MGAT5: variants seen among roughly 807,000 people sequenced by gnomAD.
MGAT5 encodes alpha-1,6-mannosylglycoprotein 6-beta-N-acetylglucosaminyltransferase, also known as alpha-1,6-mannosylglycoprotein 6-beta-N-acetylglucosaminyltransferase A.
In MGAT5, 30 loss-of-function variants were observed where a neutral mutation model predicts 94.3. The ratio of observed to expected loss-of-function variants is 0.32; its 90% CI spans 0.24 to 0.43. The LOEUF (loss-of-function observed/expected upper bound fraction) is 0.43. Ranked by LOEUF, MGAT5 falls within the 20% of genes least tolerant of loss-of-function variation. The probability of loss-of-function intolerance (pLI) is 1.00; values close to 1 mark genes in which losing one functional copy is unlikely to be tolerated. For missense variants in MGAT5, 691 were observed against 905.5 expected, an observed-to-expected ratio of 0.76 and a Z score of 3.04; for synonymous variants, 310 against 322.9, an observed-to-expected ratio of 0.96 and a Z score of 0.43.
intron 1 of MGAT5, among the ~76,000 whole-genome samples, chr2:134,145,214 C>CTCTGTGTGTGTGTGTGTGTGTGTG (rs373377770): frequency 2.1e-4 from 30 of 143,870 alleles, no homozygotes; most frequent in African/African-American, 6.5e-4. Context: ...GTCTCTCTCT[C>CTCTGTGTGTGTGTGTGTGTGTGTG]TGTGTGTGTG....
chr2:134,362,909 C>T (rs1680193787), intron 10 of MGAT5, among the ~76,000 whole-genome samples: 2 of 152,216 alleles, frequency 1.3e-5, no homozygotes, highest in South Asian at 2.1e-4. Context: ...TGACTGTAGG[C>T]ACTTTGTTCA....
At chr2:134,199,873 G>A (rs116695604) in intron 1 of MGAT5, among the ~76,000 whole-genome samples, 1 of 152,056 alleles carries the variant, frequency 6.6e-6, no homozygotes, top group African/African-American at 2.4e-5. Flanking sequence ...GATACTGATT[G>A]GTGCTCTGTA....
chr2:134,146,927 A>G (rs1686947991), intron 1 of MGAT5, among the ~76,000 whole-genome samples: 1 of 152,212 alleles, frequency 6.6e-6, no homozygotes. Context: ...GAAGAAAAGT[A>G]GGTCTTTGAG....
intron 1 of MGAT5, among the ~76,000 whole-genome samples, chr2:134,229,282 T>C (rs1573567306): frequency 6.6e-6 from 1 of 152,234 alleles, no homozygotes; most frequent in Non-Finnish European, 1.5e-5. Flanking sequence ...AGGAAAGTGA[T>C]AGTAATGGAA....
intron 11 of MGAT5, among the ~76,000 whole-genome samples, chr2:134,404,923 C>G (rs2106304608): frequency 6.6e-6 from 1 of 152,318 alleles, no homozygotes; most frequent in Non-Finnish European, 1.5e-5. Flanking sequence ...AATGGCAGTG[C>G]TGTTTTTGCC....
At chr2:134,275,327 C>A (rs1684293401) in intron 2 of MGAT5, among the ~76,000 whole-genome samples, 1 of 152,170 alleles carries the variant, frequency 6.6e-6, no homozygotes, top group Admixed American at 6.5e-5. Flanking sequence ...AATATGTGGA[C>A]CCTTGTCAGA....
intron 1 of MGAT5, among the ~76,000 whole-genome samples, chr2:134,257,421 C>T (rs1683038796): frequency 6.6e-6 from 1 of 152,102 alleles, no homozygotes; most frequent in African/African-American, 2.4e-5. Context: ...GGGGTTTCAC[C>T]ATGTTGGCCA....
chr2:134,384,784 C>A (rs1359943967), intron 10 of MGAT5, among the ~76,000 whole-genome samples: 1 of 152,160 alleles, frequency 6.6e-6, no homozygotes, highest in Non-Finnish European at 1.5e-5. Context: ...TGAACAACAG[C>A]AGTTATAAAA....
At chr2:134,415,250 C>A (rs58886205) in intron 12 of MGAT5, among the ~76,000 whole-genome samples, 25,847 of 152,138 alleles carry the variant, frequency 0.17, 2,496 homozygotes, top group African/African-American at 0.27. Flanking sequence ...TACCAAGCTT[C>A]CCTTTTTACC....
At chr2:134,230,325 G>C (rs928193947) in intron 1 of MGAT5, among the ~76,000 whole-genome samples, 2 of 152,208 alleles carry the variant, frequency 1.3e-5, no homozygotes, top group Non-Finnish European at 2.9e-5. Flanking sequence ...GCCTCCTGCT[G>C]TGTGGCCCAG....
intron 10 of MGAT5, among the ~76,000 whole-genome samples, chr2:134,375,081 T>A (rs1246486952): frequency 1.3e-5 from 2 of 152,212 alleles, no homozygotes; most frequent in East Asian, 3.8e-4. Flanking sequence ...TCCCTCTTGA[T>A]TCTGTTTTTG....
At chr2:134,327,631 G>T (rs2105937846) in intron 4 of MGAT5, among the ~76,000 whole-genome samples, 1 of 152,234 alleles carries the variant, frequency 6.6e-6, no homozygotes, top group African/African-American at 2.4e-5. Flanking sequence ...CTTTTGAATT[G>T]TTTATTTCTG....
At chr2:134,345,328 T>C (rs79111083) in intron 8 of MGAT5, among the ~76,000 whole-genome samples, 3,788 of 152,326 alleles carry the variant, frequency 0.025, 153 homozygotes, top group African/African-American at 0.086. Context: ...AGTATGCGTA[T>C]GCCAGTGTCA....
chr2:134,251,453 ATT>A (rs1279326004), upstream of MGAT5, among the ~76,000 whole-genome samples: 3 of 152,232 alleles, frequency 2.0e-5, no homozygotes, highest in Non-Finnish European at 4.4e-5. Context: ...CGACATATTC[ATT>A]TAGCAGATAC....
chr2:134,369,770 T>C (rs1381802739), intron 10 of MGAT5, among the ~76,000 whole-genome samples: 2 of 127,264 alleles, frequency 1.6e-5, no homozygotes, highest in African/African-American at 5.1e-5. Context: ...TGACAGACTT[T>C]TATGTGTTCC....
chr2:134,192,641 C>CTA (rs554369248), intron 1 of MGAT5, among the ~76,000 whole-genome samples: 4 of 152,200 alleles, frequency 2.6e-5, no homozygotes, highest in Admixed American at 6.5e-5. Context: ...GAGTGAAAGA[C>CTA]TATTGCATTA....
At chr2:134,176,572 TAAAAAA>T (rs66689362) in intron 1 of MGAT5, among the ~76,000 whole-genome samples, 6 of 83,314 alleles carry the variant, frequency 7.2e-5, no homozygotes, top group Non-Finnish European at 1.1e-4. Flanking sequence ...GACTCTGTCT[TAAAAAA>T]AAAAAAAAAA....
intron 1 of MGAT5, among the ~76,000 whole-genome samples, chr2:134,229,453 CT>C (rs1296671928): frequency 6.6e-6 from 1 of 152,128 alleles, no homozygotes; most frequent in Non-Finnish European, 1.5e-5. Context: ...TTTCTGGTTC[CT>C]GTATTAATTA....
At chr2:134,227,205 A>T (rs553694028) in intron 1 of MGAT5, among the ~76,000 whole-genome samples, 2 of 152,298 alleles carry the variant, frequency 1.3e-5, no homozygotes, top group East Asian at 3.9e-4. Flanking sequence ...GAAAAGAGAC[A>T]TCCTTGGGCT....
Sources: allele counts gnomAD v4.1 joint callset (sites outside exome capture counted in the v4.1 genomes callset), GRCh38; gene constraint gnomAD v4.1.1; transcripts MANE v1.5; gene names NCBI Gene and HGNC (gene_info 2026-07-23, HGNC 2026-07-21).